Variants in STK32C observed in about 807,000 individuals in gnomAD.
STK32C encodes the protein serine/threonine kinase 32C.
STK32C carries 31 observed loss-of-function variants against 56.5 expected under a neutral mutation model. The observed-to-expected ratio is 0.55, with a 90% CI of 0.41 to 0.74. The LOEUF is 0.74. Among genes scored for constraint, STK32C ranks in the 30% least tolerant of loss-of-function variants. The pLI, the probability that STK32C is intolerant of heterozygous loss-of-function variation, is 0.00. For missense variants in STK32C, 544 were observed against 676.9 expected (o/e 0.80, Z 2.18); for synonymous variants, 309 against 289.4 (o/e 1.07, Z -0.69).
intron 1 of STK32C, among the ~76,000 whole-genome samples, chr10:132,249,878 C>T (rs1003494392): frequency 6.6e-6 from 1 of 152,230 alleles, no homozygotes; most frequent in Non-Finnish European, 1.5e-5. Context: ...CCCTGCCCCA[C>T]GCAAGCCCAG....
At chr10:132,209,348 G>T (rs1207015744) in intron 10 of STK32C, 1 of 705,208 alleles carries the variant, frequency 1.4e-6, no homozygotes, top group Non-Finnish European at 2.6e-6. Context: ...GGATGGCTTG[G>T]ACTTGCTCCG....
chr10:132,280,792 T>TGCACACCGTGATCACACCACC, intron 1 of STK32C, among the ~76,000 whole-genome samples: 1 of 139,946 alleles, frequency 7.1e-6, no homozygotes, highest in East Asian at 2.2e-4. Flanking sequence ...ATCACGCCAC[T>TGCACACCGTGATCACACCACC]GCACCCCGTG....
intron 1 of STK32C, among the ~76,000 whole-genome samples, chr10:132,274,960 G>A (rs2064953310): frequency 6.6e-6 from 1 of 152,198 alleles, no homozygotes; most frequent in Non-Finnish European, 1.5e-5. Context: ...AACATGGAAG[G>A]TGACAGCCGG....
chr10:132,278,731 G>A (rs2065062643), intron 1 of STK32C, among the ~76,000 whole-genome samples: 1 of 143,238 alleles, frequency 7.0e-6, no homozygotes, highest in Non-Finnish European at 1.5e-5. Flanking sequence ...CTGCACTCCA[G>A]CCTGGGCGAC....
chr10:132,275,917 C>T (rs998386130), intron 1 of STK32C, among the ~76,000 whole-genome samples: 1 of 152,142 alleles, frequency 6.6e-6, no homozygotes, highest in African/African-American at 2.4e-5. Context: ...AGGAAAACCC[C>T]CTCTGCCTAG....
intron 2 of STK32C, among the ~76,000 whole-genome samples, chr10:132,229,261 G>GT (rs2063009468): frequency 6.6e-6 from 1 of 152,190 alleles, no homozygotes; most frequent in Non-Finnish European, 1.5e-5. Context: ...TCCTCAAGGA[G>GT]TTGGAGCCCA....
At chr10:132,212,675 C>G (rs2137579702) in intron 10 of STK32C, among the ~76,000 whole-genome samples, 1 of 152,356 alleles carries the variant, frequency 6.6e-6, no homozygotes, top group Non-Finnish European at 1.5e-5. Context: ...GACCACACAC[C>G]TGCGTTCAGG....
Position 132,226,739 on chromosome 10 carries a change from G to A in STK32C, c.644+56C>T, listed in dbSNP as rs115900869. On this transcript the variant is annotated intron_variant, in intron 4 of 11. Transcript: ENST00000298630. ...CGCCGTGCCGGCAGCCTGACCTAAG[G>A]CTGCTTCAGCCCCGCCCACCTCAGC... is the stretch of plus-strand genomic sequence containing the variant. The A allele has an allele frequency of 1.0e-3, 1,597 of 1,585,656 alleles. 18 individuals are homozygous for A. The African/African-American group carries it at 0.018, about 18-fold the overall frequency.
chr10:132,258,484 C>T (rs1170426848), intron 1 of STK32C, among the ~76,000 whole-genome samples: 7 of 152,234 alleles, frequency 4.6e-5, no homozygotes, highest in African/African-American at 1.2e-4. Flanking sequence ...ATCCTCAGGA[C>T]GGGTCCAGTG....
intron 2 of STK32C, among the ~76,000 whole-genome samples, chr10:132,236,525 C>T (rs1315104567): frequency 3.3e-5 from 5 of 152,218 alleles, no homozygotes; most frequent in Non-Finnish European, 4.4e-5. Flanking sequence ...TTCTCACTCG[C>T]GGGCTCGCTG....
intron 1 of STK32C, among the ~76,000 whole-genome samples, chr10:132,247,385 C>T (rs1167003373): frequency 4.6e-5 from 7 of 152,236 alleles, no homozygotes; most frequent in Non-Finnish European, 1.0e-4. Flanking sequence ...TGTCCATCCT[C>T]ATGGGCCCTG....
At chr10:132,298,665 G>T (rs893510156) in intron 1 of STK32C, among the ~76,000 whole-genome samples, 1 of 151,448 alleles carries the variant, frequency 6.6e-6, no homozygotes, top group Non-Finnish European at 1.5e-5. Flanking sequence ...GGGTCACTGG[G>T]GGGGAGTTGA....
chr10:132,238,196 T>G (rs922413299), intron 2 of STK32C, among the ~76,000 whole-genome samples: 1 of 151,930 alleles, frequency 6.6e-6, no homozygotes, highest in Non-Finnish European at 1.5e-5. Flanking sequence ...AGGACTGTGG[T>G]GCAGCAGCTG....
intron 1 of STK32C, among the ~76,000 whole-genome samples, chr10:132,330,768 C>G (rs568396842): frequency 1.2e-3 from 177 of 151,114 alleles, no homozygotes; most frequent in African/African-American, 4.1e-3. Flanking sequence ...CCCTGGCCTC[C>G]CAAAGTGCTA....
chr10:132,323,625 T>C (rs554916489), downstream of STK32C, among the ~76,000 whole-genome samples: 1 of 152,132 alleles, frequency 6.6e-6, no homozygotes, highest in South Asian at 2.1e-4. This position sits in a 1 kb window ranked among gnomAD's most constrained non-coding sequence, Gnocchi z 4.8. Context: ...AGATAGAAGG[T>C]GGGGTGCATG....
At chr10:132,249,226 A>T (rs1162680419) in intron 1 of STK32C, 1 of 326,276 alleles carries the variant, frequency 3.1e-6, no homozygotes, top group Non-Finnish European at 6.0e-6. Context: ...GAGTGCTGGG[A>T]GTGGGGCTGA....
chr10:132,321,105 G>C (rs1385212216), downstream of STK32C, among the ~76,000 whole-genome samples: 2 of 152,202 alleles, frequency 1.3e-5, no homozygotes, highest in East Asian at 1.9e-4. Flanking sequence ...GGTGAGGCCT[G>C]ACTGGTCAAA....
rs1407540994 is a variant in STK32C at position 132,226,822 on chromosome 10, T to A, written c.617A>T (p.Tyr206Phe). Residue 206 changes from tyrosine to phenylalanine, a missense_variant, in exon 4 of 12, where the codon TAC becomes TTC. Tyr to Phe is a conservative substitution (Grantham distance 22). Coordinates refer to ENST00000298630, the MANE Select transcript of STK32C (RefSeq NM_173575.4). ...YICEMALALD[Y>F]LRGQHIIHRD... ...GTGGATGATGTGCTGGCCGCGCAGG[T>A]AGTCCAGAGCCAGTGCCATCTCGCA... The A allele has an allele frequency of 6.2e-7, 1 of 1,613,138 alleles. No homozygotes were observed. Among genetic ancestry groups the A allele is most frequent in the Non-Finnish European group, 8.5e-7 (1 of 1,180,006 alleles).
intron 11 of STK32C, among the ~76,000 whole-genome samples, chr10:132,208,614 C>T (rs1447031211): frequency 6.6e-6 from 1 of 152,176 alleles, no homozygotes. Flanking sequence ...TGGGCCCCAC[C>T]GTGGCAGCTG....
Sources: gnomAD v4.1 joint callset for allele counts (sites outside exome capture counted in the v4.1 genomes callset) on GRCh38, gnomAD v4.1.1 for gene constraint, Gnocchi (gnomAD v3.1) non-coding constraint, MANE v1.5 for transcripts, NCBI Gene and HGNC (gene_info 2026-07-23, HGNC 2026-07-21) for gene names.